LRRC20: variants seen among roughly 807,000 people sequenced by gnomAD.
The protein encoded by LRRC20 is leucine-rich repeat-containing protein 20.
Under a neutral mutation model 14.4 loss-of-function variants are expected in LRRC20, and 11 were observed. That is an observed-to-expected ratio of 0.77 (90% CI 0.48 to 1.27). The LOEUF is 1.27. Among genes scored for constraint, LRRC20 ranks in the 50% most tolerant of loss-of-function variants. The pLI is 0.00. For synonymous variants in LRRC20, 121 were observed against 107.3 expected, an observed-to-expected ratio of 1.13 and a Z score of -0.79; for missense variants, 219 against 251.2, an observed-to-expected ratio of 0.87 and a Z score of 0.87.
chr10:70,339,405 G>A (rs1842828905), intron 3 of LRRC20, among the ~76,000 whole-genome samples: 1 of 152,230 alleles, frequency 6.6e-6, no homozygotes, highest in African/African-American at 2.4e-5. Flanking sequence ...CTGTGAGGAA[G>A]GCTCCTGGAA....
intron 2 of LRRC20, among the ~76,000 whole-genome samples, chr10:70,367,958 C>CTATGTTATGTTAGTTATGTTATGT (rs1844079121): frequency 9.1e-5 from 2 of 21,896 alleles, no homozygotes; most frequent in African/African-American, 4.1e-4. Flanking sequence ...ATAAATCTGC[C>CTATGTTATGTTAGTTATGTTATGT]TATGTTATGT....
chr10:70,311,371 A>G (rs6480451), intron 4 of LRRC20, among the ~76,000 whole-genome samples: 126,482 of 151,726 alleles, frequency 0.83, 54,043 homozygotes, highest in Middle Eastern at 0.95. Context: ...ACAGGTGCAC[A>G]CCACCACACC....
intron 4 of LRRC20, among the ~76,000 whole-genome samples, chr10:70,315,159 G>A (rs1289116756): frequency 6.6e-6 from 1 of 152,280 alleles, no homozygotes; most frequent in South Asian, 2.1e-4. Context: ...AGAAGAGCTG[G>A]GTGTGCAGCA....
In LRRC20 at chr10:70,301,281, TG is replaced by T; in HGVS notation, c.*72del. 1 of 1,463,156 alleles carries T rather than the reference TG, an allele frequency of 6.8e-7. No individual in the cohort carries two copies. 90.6% of individuals were successfully genotyped at this position (1,463,156 alleles called of 1,614,324 possible). On this transcript the variant is annotated 3_prime_UTR_variant, in exon 5 of 5. Transcript: ENST00000446961. ...CCCAGCCCCCAGGCTTGGCCTCCCATGGGCCTCCCTCCCTTCCAGGGTTCCA... is the reference window on the plus strand; with the variant it reads ...CCCAGCCCCCAGGCTTGGCCTCCCATGGCCTCCCTCCCTTCCAGGGTTCCA...
intron 3 of LRRC20, among the ~76,000 whole-genome samples, chr10:70,329,384 T>C (rs1842448042): frequency 6.6e-6 from 1 of 152,174 alleles, no homozygotes; most frequent in Non-Finnish European, 1.5e-5. Flanking sequence ...ATCCTTGCCT[T>C]GTTCCCAGCT....
At chr10:70,337,990 G>A (rs1380930485) in intron 3 of LRRC20, among the ~76,000 whole-genome samples, 1 of 152,064 alleles carries the variant, frequency 6.6e-6, no homozygotes, top group Non-Finnish European at 1.5e-5. Flanking sequence ...TATCCTCCTC[G>A]GGAAAGCAAA....
chr10:70,321,448 A>G (rs1466713514), intron 4 of LRRC20, among the ~76,000 whole-genome samples: 2 of 152,170 alleles, frequency 1.3e-5, no homozygotes, highest in Non-Finnish European at 2.9e-5. Flanking sequence ...AGTAACTCGG[A>G]TGGATCAGGG....
chr10:70,315,946 C>A (rs1359169508), intron 4 of LRRC20, among the ~76,000 whole-genome samples: 1 of 152,120 alleles, frequency 6.6e-6, no homozygotes, highest in Non-Finnish European at 1.5e-5. Flanking sequence ...TGGTTACATA[C>A]CCATGTCCAT....
intron 2 of LRRC20, among the ~76,000 whole-genome samples, chr10:70,349,863 C>G (rs1250060992): frequency 3.9e-5 from 6 of 152,176 alleles, no homozygotes; most frequent in Non-Finnish European, 8.8e-5. Context: ...CATTGAGAGT[C>G]TTGCATCCTG....
chr10:70,375,990 G>A (rs751509013), intron 2 of LRRC20, among the ~76,000 whole-genome samples: 3 of 152,114 alleles, frequency 2.0e-5, no homozygotes, highest in African/African-American at 7.2e-5. Context: ...GGGTCTCCTA[G>A]CTGGGCAACC....
intron 2 of LRRC20, among the ~76,000 whole-genome samples, chr10:70,354,628 G>A (rs1192378159): frequency 6.6e-6 from 1 of 152,142 alleles, no homozygotes; most frequent in African/African-American, 2.4e-5. Flanking sequence ...TTCCTGTATT[G>A]ATGATGATAA....
rs1316817406 is a variant in LRRC20 at position 70,353,489 on chromosome 10, C to G, written c.83-12787G>C. On this transcript the variant is annotated intron_variant, in intron 2 of 4. Transcript: ENST00000446961. ...CTGGAGTGCAGTGGTGTAATCTCGGCTCACTGCAACCTCCGCCTCCTGGGT... is the reference window on the plus strand; with the variant it reads ...CTGGAGTGCAGTGGTGTAATCTCGGGTCACTGCAACCTCCGCCTCCTGGGT... Among the ~76,000 whole-genome samples, 3 of 152,098 alleles carry G rather than the reference C, an allele frequency of 2.0e-5. No homozygotes were observed. In the East Asian group the frequency reaches 5.8e-4, roughly 29 times the overall value.
At chr10:70,326,596 C>T (rs1050920167) in intron 3 of LRRC20, among the ~76,000 whole-genome samples, 7 of 152,196 alleles carry the variant, frequency 4.6e-5, no homozygotes, top group African/African-American at 7.2e-5. Context: ...GCTCGCTTCA[C>T]GCAAACCCAG....
intron 3 of LRRC20, among the ~76,000 whole-genome samples, chr10:70,337,038 G>A (rs1842743114): frequency 6.6e-6 from 1 of 152,210 alleles, no homozygotes. Context: ...AGGACATCAA[G>A]GGGATGGAAT....
intron 3 of LRRC20, among the ~76,000 whole-genome samples, chr10:70,330,010 G>C (rs1842475852): frequency 1.3e-5 from 2 of 152,148 alleles, no homozygotes; most frequent in African/African-American, 4.8e-5. Context: ...ATTTTGCTGA[G>C]AATCTTTCCA....
At chr10:70,316,423 G>A (rs796908218) in intron 4 of LRRC20, among the ~76,000 whole-genome samples, 6 of 152,332 alleles carry the variant, frequency 3.9e-5, no homozygotes, top group African/African-American at 1.2e-4. Flanking sequence ...GTGAGCCACC[G>A]CGCCCGGCCC....
At chr10:70,366,920 G>T (rs1182027692) in intron 2 of LRRC20, among the ~76,000 whole-genome samples, 1 of 152,184 alleles carries the variant, frequency 6.6e-6, no homozygotes, top group African/African-American at 2.4e-5. Context: ...AAGGACTTGA[G>T]TATCCTTGAA....
intron 3 of LRRC20, among the ~76,000 whole-genome samples, chr10:70,328,586 C>G (rs1564622585): frequency 6.6e-6 from 1 of 152,194 alleles, no homozygotes; most frequent in Non-Finnish European, 1.5e-5. Flanking sequence ...CATGAGCCAC[C>G]ATGCCCGGTC....
chr10:70,310,012 A>C (rs1444556497), intron 4 of LRRC20, among the ~76,000 whole-genome samples: 1 of 152,226 alleles, frequency 6.6e-6, no homozygotes, highest in Non-Finnish European at 1.5e-5. Context: ...ACTGAAGGCC[A>C]GTAATAGCTT....
Sources: allele counts gnomAD v4.1 joint callset (sites outside exome capture counted in the v4.1 genomes callset), GRCh38; gene constraint gnomAD v4.1.1; transcripts MANE v1.5; gene names NCBI Gene and HGNC (gene_info 2026-07-23, HGNC 2026-07-21).